Variants in TRAF2 observed in about 807,000 individuals in gnomAD.
TRAF2 encodes TNF receptor associated factor 2.
Under a neutral mutation model 55.6 loss-of-function variants are expected in TRAF2, and 6 were observed. The ratio of observed to expected loss-of-function variants is 0.11; its 90% confidence interval spans 0.06 to 0.21. The LOEUF is 0.21. Among genes scored for constraint, TRAF2 ranks in the 10% least tolerant of loss-of-function variants. TRAF2 has a pLI of 1.00. For missense variants in TRAF2, 561 were observed against 684.5 expected (o/e 0.82, Z 2.01); for synonymous variants, 329 against 276.3 (o/e 1.19, Z -1.89).
At position 136,925,731 on chromosome 9, in the gene TRAF2, G is replaced by A. The variant is rs1353820572; in HGVS notation, c.1336G>A (p.Ala446Thr). ...GAATAACCGGGAGCACGTGATTGAC[G>A]CCTTCAGGCCCGACGTGACTTCATC... ...DQNNREHVID[A>T]FRPDVTSSSF... Residue 446 changes from alanine to threonine, a missense_variant, in exon 11 of 11, where the codon GCC becomes ACC. By Grantham distance (58) the Ala-to-Thr change is moderately conservative (BLOSUM62 0). This residue lies in a region of TRAF2 where 135 missense variants were observed against 207.7 expected (regional missense o/e 0.65). Transcript: ENST00000247668. 2.5e-6 allele frequency: 4 copies of A among 1,614,174 alleles called. No homozygotes were observed. The highest frequency in any genetic ancestry group is 1.1e-5 in the South Asian group (1 of 91,090).
chr9:136,921,387 G>T (rs1011427132), intron 9 of TRAF2, among the ~76,000 whole-genome samples, 172 bp downstream of exon 9: 29 of 152,270 alleles, frequency 1.9e-4, no homozygotes, highest in African/African-American at 6.7e-4. Flanking sequence ...GCTGAATATG[G>T]GCTGGCCGGT....
At chr9:136,895,873 A>G (rs1009624825) in intron 1 of TRAF2, among the ~76,000 whole-genome samples, 1 of 143,338 alleles carries the variant, frequency 7.0e-6, no homozygotes, top group African/African-American at 2.6e-5. Context: ...AAAAAAAAGG[A>G]ATGGTTCTGA....
chr9:136,884,974 G>A (rs1849418316), upstream of TRAF2, among the ~76,000 whole-genome samples: 1 of 152,242 alleles, frequency 6.6e-6, no homozygotes, highest in African/African-American at 2.4e-5. Flanking sequence ...CTGGGCTTGA[G>A]CAACCTCACT....
chr9:136,895,747 G>A (rs1038177608), intron 1 of TRAF2, among the ~76,000 whole-genome samples: 3 of 151,878 alleles, frequency 2.0e-5, no homozygotes, highest in Admixed American at 2.0e-4. Context: ...TACTTGGGAG[G>A]CTGAAGCATG....
chr9:136,908,349 C>G, intron 5 of TRAF2, 118 bp downstream of exon 5: 1 of 1,185,838 alleles, frequency 8.4e-7, no homozygotes, highest in Non-Finnish European at 1.1e-6. Flanking sequence ...CCCCCTCGGC[C>G]CTTTCCCTGG....
At chr9:136,922,974 G>A (rs1013948041) in intron 9 of TRAF2, among the ~76,000 whole-genome samples, 10 of 151,790 alleles carry the variant, frequency 6.6e-5, no homozygotes, top group African/African-American at 1.2e-4. Context: ...GGTGGAGGAC[G>A]AGGACGGAAG....
rs533793593 is a variant in TRAF2, at chr9:136,907,039, T to G, written c.367-1031T>G. 2.0e-5 allele frequency among the ~76,000 whole-genome samples: 3 copies of G among 152,366 alleles called. No homozygotes were observed. In the South Asian group the frequency reaches 6.2e-4, roughly 32 times the overall value. The stretch of plus-strand genomic sequence containing the variant: ...GCCCTCAAGACGGTCGGGGAAGCCC[T>G]GCCTGGGGCAGCAGTGGGCTGGAGA... On this transcript the variant is annotated intron_variant, in intron 4 of 10. Coordinates refer to ENST00000247668, the MANE Select transcript of TRAF2 (RefSeq NM_021138.4).
At chr9:136,882,738 C>G, upstream of TRAF2, 1 of 985,570 alleles carries the variant, frequency 1.0e-6, no homozygotes, top group Non-Finnish European at 1.2e-6. Flanking sequence ...AGCCAGCAAA[C>G]AAGGCGAGTC....
chr9:136,900,299 C>T, intron 3 of TRAF2, 123 bp from the exon 4 acceptor site: 1 of 604,394 alleles, frequency 1.7e-6, no homozygotes, highest in African/African-American at 1.9e-5. Context: ...TCCTCTGCTC[C>T]TGGAGTGGCC....
Position 136,921,232 on chromosome 9 carries a change from C to T in TRAF2, c.1138+17C>T, listed in dbSNP as rs757470508. 1.9e-6 allele frequency: 3 copies of T among 1,612,888 alleles called. No individual in the cohort carries two copies. The highest frequency in any genetic ancestry group is 1.3e-5 in the African/African-American group (1 of 75,040). Reference sequence around the variant, plus strand: ...TCTCCCCAGGTGTGGTTCTAGGACCCCCACCTCACTGCAGCTGCTGTTTAC... The same window carrying T: ...TCTCCCCAGGTGTGGTTCTAGGACCTCCACCTCACTGCAGCTGCTGTTTAC... On this transcript the variant is annotated intron_variant, in intron 9 of 10. Transcript: ENST00000247668.
intron 5 of TRAF2, among the ~76,000 whole-genome samples, chr9:136,909,024 G>C (rs6560650): frequency 0.77 from 115,154 of 150,508 alleles, 44,246 homozygotes; most frequent in East Asian, 0.87. Flanking sequence ...GGCAACAGAG[G>C]AAGACTCTGT....
chr9:136,924,895 C>T (rs7860290), intron 10 of TRAF2, among the ~76,000 whole-genome samples: 33,241 of 151,882 alleles, frequency 0.22, 4,486 homozygotes, highest in African/African-American at 0.39. Flanking sequence ...TGCACCACCA[C>T]GCCCAGCTAA....
upstream of TRAF2, chr9:136,886,220 C>T (rs1198160053): frequency 2.0e-4 from 37 of 187,040 alleles, no homozygotes; most frequent in Non-Finnish European, 4.0e-5. Flanking sequence ...CAGCACCTCA[C>T]CAGCTCCCCG....
intron 4 of TRAF2, chr9:136,902,205 C>CA (rs1564409797): frequency 6.6e-6 from 1 of 152,302 alleles, no homozygotes; most frequent in Non-Finnish European, 1.5e-5. Flanking sequence ...TTGTACCCCC[C>CA]ACTCCCTGCT....
At chr9:136,903,733 G>GTGC (rs1434797562) in intron 4 of TRAF2, among the ~76,000 whole-genome samples, 1 of 152,104 alleles carries the variant, frequency 6.6e-6, no homozygotes, top group Non-Finnish European at 1.5e-5. Flanking sequence ...CCAGACTGGA[G>GTGC]TGCAGTGGTG....
intron 10 of TRAF2, among the ~76,000 whole-genome samples, chr9:136,924,842 G>A (rs999541544): frequency 1.3e-5 from 2 of 151,974 alleles, no homozygotes; most frequent in African/African-American, 2.4e-5. Context: ...GGGTTCAAGC[G>A]ATTCTCCTGC....
intron 1 of TRAF2, chr9:136,890,642 C>T (rs577938738): frequency 3.4e-4 from 52 of 152,128 alleles, no homozygotes; most frequent in Non-Finnish European, 5.7e-4. Flanking sequence ...TTTGAGCCTT[C>T]GTGGTGGTTT....
intron 4 of TRAF2, among the ~76,000 whole-genome samples, chr9:136,907,810 C>T (rs1849990151): frequency 6.6e-6 from 1 of 151,988 alleles, no homozygotes; most frequent in Non-Finnish European, 1.5e-5. Context: ...GGTGGCAAGG[C>T]ATCCACACAG....
intron 1 of TRAF2, among the ~76,000 whole-genome samples, chr9:136,892,113 A>G (rs927120255): frequency 4.6e-5 from 7 of 152,066 alleles, no homozygotes; most frequent in Non-Finnish European, 7.4e-5. Context: ...GGTTCTTCAC[A>G]TTTTATATCC....
Sources: allele counts gnomAD v4.1 joint callset (sites outside exome capture counted in the v4.1 genomes callset), GRCh38; gene constraint gnomAD v4.1.1; regional missense constraint gnomAD v4.1.1; transcripts MANE v1.5; gene names NCBI Gene and HGNC (gene_info 2026-07-23, HGNC 2026-07-21).